Variants in GRIA2 observed in about 807,000 individuals in gnomAD.
GRIA2 encodes the protein glutamate receptor 2.
In GRIA2, 14 loss-of-function variants were observed where a neutral mutation model predicts 97.3. The ratio of observed to expected loss-of-function variants is 0.14; its 90% confidence interval spans 0.10 to 0.23. GRIA2 has a LOEUF of 0.23. Ranked by LOEUF, GRIA2 falls within the 10% of genes least tolerant of loss-of-function variation. The probability of loss-of-function intolerance (pLI) is 1.00; values close to 1 mark genes in which losing one functional copy is unlikely to be tolerated. For synonymous variants in GRIA2, 412 were observed against 387.8 expected, an observed-to-expected ratio of 1.06 and a Z score of -0.73; for missense variants, 558 against 1,069.8, an observed-to-expected ratio of 0.52 and a Z score of 6.67.
intron 12 of GRIA2, among the ~76,000 whole-genome samples, chr4:157,351,459 T>C (rs2126972633): frequency 6.6e-6 from 1 of 152,312 alleles, no homozygotes; most frequent in Middle Eastern, 3.4e-3. Context: ...CCATTAATGA[T>C]ATAATTTACC....
chr4:157,338,420 G>C (rs1384675735), intron 11 of GRIA2, among the ~76,000 whole-genome samples: 7 of 151,970 alleles, frequency 4.6e-5, no homozygotes, highest in Admixed American at 4.6e-4. Context: ...TGGCACTGCA[G>C]GTAGTTGTTT....
intron 3 of GRIA2, among the ~76,000 whole-genome samples, chr4:157,306,339 G>C (rs1185844036): frequency 6.6e-6 from 1 of 152,022 alleles, no homozygotes; most frequent in Non-Finnish European, 1.5e-5. Flanking sequence ...AAGATGGATG[G>C]ACTTACGTAC....
In GRIA2 at chr4:157,361,579, G is replaced by T; in HGVS notation, c.2406+455G>T. On this transcript the variant is annotated intron_variant, in intron 14 of 15. Coordinates refer to ENST00000264426, the MANE Select transcript of GRIA2 (RefSeq NM_001083619.3). The surrounding 1 kb of genome is among the most constrained non-coding windows in gnomAD (Gnocchi z 5.2). The stretch of plus-strand genomic sequence containing the variant: ...GCAGTATTGAAACTCAGTGAGCAAG[G>T]CGTCTTAGACAAGCTGAAAAACAAA... 1 of 1,612,842 alleles carries T rather than the reference G, an allele frequency of 6.2e-7. No homozygotes were observed. Among genetic ancestry groups the T allele is most frequent in the Non-Finnish European group, 8.5e-7 (1 of 1,179,016 alleles).
chr4:157,319,158 G>C (rs1734447400), intron 5 of GRIA2, among the ~76,000 whole-genome samples: 1 of 152,152 alleles, frequency 6.6e-6, no homozygotes, highest in South Asian at 2.1e-4. Flanking sequence ...AGTTAAACTA[G>C]ATGAAGCTCT....
chr4:157,227,112 T>G (rs1412388076), intron 2 of GRIA2, among the ~76,000 whole-genome samples: 1 of 152,188 alleles, frequency 6.6e-6, no homozygotes, highest in Non-Finnish European at 1.5e-5. Context: ...AATTACCTTA[T>G]GAAACTATAG....
intron 3 of GRIA2, among the ~76,000 whole-genome samples, chr4:157,306,670 T>C (rs1733858936): frequency 6.6e-6 from 1 of 152,202 alleles, no homozygotes; most frequent in African/African-American, 2.4e-5. Context: ...GCAAAAGACT[T>C]GACCTTTGTG....
At chr4:157,268,231 A>C (rs1015393310) in intron 2 of GRIA2, among the ~76,000 whole-genome samples, 18 of 152,074 alleles carry the variant, frequency 1.2e-4, no homozygotes, top group Non-Finnish European at 2.6e-4. Context: ...ATTGTCTTAC[A>C]TGACACAGAT....
intron 1 of GRIA2, 132 bp from the exon 2 acceptor site, chr4:157,221,535 G>A (rs1729492593): frequency 2.2e-6 from 2 of 900,938 alleles, no homozygotes; most frequent in Non-Finnish European, 3.5e-6. Flanking sequence ...CGCTGTCCGA[G>A]TCCGTAGGTG....
chr4:157,303,501 T>C (rs756743351), intron 2 of GRIA2, 51 bp from the exon 3 acceptor site: 5 of 1,552,068 alleles, frequency 3.2e-6, no homozygotes, highest in African/African-American at 2.7e-5. Flanking sequence ...ATTCATATGA[T>C]TGTGTGCCAA....
At chr4:157,343,612 G>T (rs1471002842) in intron 12 of GRIA2, among the ~76,000 whole-genome samples, 1 of 152,008 alleles carries the variant, frequency 6.6e-6, no homozygotes, top group South Asian at 2.1e-4. Context: ...ACATTGGCTA[G>T]GTCTCAGTGC....
At chr4:157,269,426 G>T (rs1031925632) in intron 2 of GRIA2, among the ~76,000 whole-genome samples, 1 of 152,000 alleles carries the variant, frequency 6.6e-6, no homozygotes, top group Non-Finnish European at 1.5e-5. Flanking sequence ...ATAAAACTAA[G>T]AAATTGTCTA....
rs539748671 is a variant in GRIA2 at position 157,365,946 on chromosome 4, T to C, written c.*2515T>C. ...TAACTTCTATTGAAGATATTGGAATTTCCAATTTTTCATGTGTACTATGTC... is the reference window on the plus strand; with the variant it reads ...TAACTTCTATTGAAGATATTGGAATCTCCAATTTTTCATGTGTACTATGTC... On this transcript the variant is annotated 3_prime_UTR_variant, in exon 16 of 16. Transcript: ENST00000264426. The C allele has an allele frequency of 6.6e-6, 1 of 151,730 alleles. No individual in the cohort carries two copies. The highest frequency in any genetic ancestry group is 2.1e-4 in the South Asian group (1 of 4,828). The allele number at this position is 151,730 out of a possible 1,614,324, so 9.4% of individuals were successfully genotyped here.
At chr4:157,284,906 TC>T (rs1424651291) in intron 2 of GRIA2, among the ~76,000 whole-genome samples, 1 of 151,664 alleles carries the variant, frequency 6.6e-6, no homozygotes, top group African/African-American at 2.4e-5. Flanking sequence ...CTTTTAAATA[TC>T]TCCTTGCATA....
chr4:157,363,564 A>G lies in GRIA2; in HGVS notation c.*133A>G. The G allele has an allele frequency of 8.1e-7, 1 of 1,234,670 alleles. No individual in the cohort carries two copies. Among genetic ancestry groups the G allele is most frequent in the Non-Finnish European group, 1.0e-6 (1 of 988,324 alleles). 76.5% of individuals were successfully genotyped at this position (1,234,670 alleles called of 1,614,324 possible). Reference sequence around the variant, plus strand: ...TGCTGTCCCTTACGTGAGTCCTGGCATGGGAATGAATGTCAGTGTGACTGA... The same window carrying G: ...TGCTGTCCCTTACGTGAGTCCTGGCGTGGGAATGAATGTCAGTGTGACTGA... On this transcript the variant is annotated 3_prime_UTR_variant, in exon 16 of 16. Coordinates refer to ENST00000264426, the MANE Select transcript of GRIA2 (RefSeq NM_001083619.3).
At chr4:157,356,256 G>A (rs1416811866) in intron 12 of GRIA2, among the ~76,000 whole-genome samples, 1 of 145,824 alleles carries the variant, frequency 6.9e-6, no homozygotes, top group East Asian at 2.0e-4. Flanking sequence ...GCAGCATGTA[G>A]ATTTGCGAAA....
chr4:157,289,909 G>A (rs980923367), intron 2 of GRIA2, among the ~76,000 whole-genome samples: 7 of 151,610 alleles, frequency 4.6e-5, no homozygotes, highest in Admixed American at 1.3e-4. Flanking sequence ...GTATTTTCAG[G>A]TTTTCTTGTG....
chr4:157,279,822 A>T (rs949284934), intron 2 of GRIA2, among the ~76,000 whole-genome samples: 1 of 152,068 alleles, frequency 6.6e-6, no homozygotes, highest in Admixed American at 6.6e-5. Flanking sequence ...AATCTCTTCT[A>T]TTATTAAAAA....
At position 157,258,079 on chromosome 4, in the gene GRIA2, A is replaced by G. The variant is rs992270624; in HGVS notation, c.229+36272A>G. On this transcript the variant is annotated intron_variant, in intron 2 of 15. Transcript: ENST00000264426. ...CGTCATCTTCCTAAGCTGAGGATGT[A>G]TGTCACCTCAGGACCCTGTGATGAT... is the stretch of plus-strand genomic sequence containing the variant. Among the ~76,000 whole-genome samples the G allele has an allele frequency of 1.1e-4, 17 of 152,146 alleles. No homozygotes were observed. The South Asian group carries it at 3.5e-3, about 32-fold the overall frequency.
At chr4:157,222,879 G>A (rs1191022319) in intron 2 of GRIA2, among the ~76,000 whole-genome samples, 1 of 152,214 alleles carries the variant, frequency 6.6e-6, no homozygotes, top group Non-Finnish European at 1.5e-5. Context: ...GCTCCCCCGC[G>A]CAGGCGTGGG....
Sources: gnomAD v4.1 joint callset for allele counts (sites outside exome capture counted in the v4.1 genomes callset) on GRCh38, gnomAD v4.1.1 for gene constraint, Gnocchi (gnomAD v3.1) non-coding constraint, MANE v1.5 for transcripts, NCBI Gene and HGNC (gene_info 2026-07-23, HGNC 2026-07-21) for gene names.